The following AFG2A variants were observed in gnomAD, a reference collection of about 807,000 sequenced individuals.
AFG2A encodes ATPase family gene 2 protein homolog A.
chr4:123,154,752 TAAGAG>T, the AFG2A span, among the ~76,000 whole-genome samples: 3 of 152,104 alleles, frequency 2.0e-5, no homozygotes, highest in African/African-American at 7.2e-5. Flanking sequence ...AAAAATATAT[TAAGAG>T]AAAAGCATAG....
At chr4:123,147,236 T>C in the AFG2A span, among the ~76,000 whole-genome samples, 1 of 152,138 alleles carries the variant, frequency 6.6e-6, no homozygotes, top group Non-Finnish European at 1.5e-5. Context: ...AGGAAACCCA[T>C]TTCTAGATCT....
At chr4:123,112,477 A>C in the AFG2A span, among the ~76,000 whole-genome samples, 2 of 152,298 alleles carry the variant, frequency 1.3e-5, no homozygotes, top group East Asian at 3.9e-4. Context: ...TTCTTGATTT[A>C]AGGATGTGAT....
the AFG2A span, among the ~76,000 whole-genome samples, chr4:123,083,976 A>C: frequency 2.0e-4 from 31 of 152,220 alleles, no homozygotes; most frequent in East Asian, 5.4e-3. Flanking sequence ...TTAATTATTT[A>C]TTTAATTTCT....
At chr4:123,160,590 A>C in the AFG2A span, among the ~76,000 whole-genome samples, 1 of 152,152 alleles carries the variant, frequency 6.6e-6, no homozygotes, top group Non-Finnish European at 1.5e-5. Flanking sequence ...TGTGAACAAG[A>C]AAATGCCTTC....
the AFG2A span, among the ~76,000 whole-genome samples, chr4:123,267,963 G>C: frequency 6.6e-6 from 1 of 151,934 alleles, no homozygotes; most frequent in Non-Finnish European, 1.5e-5. Context: ...TATTTAAACT[G>C]ATCATGGCTT....
At chr4:123,016,483 G>C in the AFG2A span, among the ~76,000 whole-genome samples, 5 of 151,616 alleles carry the variant, frequency 3.3e-5, no homozygotes, top group African/African-American at 1.2e-4. Flanking sequence ...CATCCCAGAC[G>C]GGGTGGCGGG....
the AFG2A span, among the ~76,000 whole-genome samples, chr4:123,084,814 G>A: frequency 7.2e-5 from 11 of 151,874 alleles, no homozygotes; most frequent in Non-Finnish European, 5.9e-5. Flanking sequence ...TATTTTTTAT[G>A]GAGATGGGGT....
At chr4:123,190,556 G>A in the AFG2A span, among the ~76,000 whole-genome samples, 5 of 152,064 alleles carry the variant, frequency 3.3e-5, no homozygotes, top group African/African-American at 1.2e-4. Flanking sequence ...AGGCCTGAAG[G>A]GTACCTCTAT....
At chr4:123,218,963 C>T in the AFG2A span, among the ~76,000 whole-genome samples, 2 of 152,132 alleles carry the variant, frequency 1.3e-5, no homozygotes, top group Admixed American at 6.5e-5. Flanking sequence ...AGAGACAGAT[C>T]CAATAGGAGC....
chr4:122,999,788 C>T, the AFG2A span, among the ~76,000 whole-genome samples: 7 of 152,014 alleles, frequency 4.6e-5, no homozygotes, highest in Admixed American at 2.0e-4. Flanking sequence ...CTTGGCGATG[C>T]GGGCTCTTTT....
chr4:123,118,575 T>C, the AFG2A span, among the ~76,000 whole-genome samples: 2 of 151,658 alleles, frequency 1.3e-5, no homozygotes, highest in African/African-American at 4.8e-5. Flanking sequence ...TCTTAGGCTA[T>C]TGTCAGTCTT....
chr4:123,178,150 C>T, the AFG2A span, among the ~76,000 whole-genome samples: 1 of 152,080 alleles, frequency 6.6e-6, no homozygotes, highest in Admixed American at 6.5e-5. Context: ...GGTACAAATG[C>T]ACTTGTTACA....
At chr4:122,923,235 G>A in the AFG2A span, 1 of 1,614,206 alleles carries the variant, frequency 6.2e-7, no homozygotes, top group Non-Finnish European at 8.5e-7. Context: ...CGGAGGCACG[G>A]GCTCCTTCTG....
chr4:123,270,220 G>C, the AFG2A span, among the ~76,000 whole-genome samples: 1 of 152,166 alleles, frequency 6.6e-6, no homozygotes, highest in African/African-American at 2.4e-5. Flanking sequence ...ACAGGAATTT[G>C]ACTTTTTATG....
chr4:123,197,974 A>G, the AFG2A span, among the ~76,000 whole-genome samples: 1 of 151,986 alleles, frequency 6.6e-6, no homozygotes, highest in Non-Finnish European at 1.5e-5. Flanking sequence ...GTGCATTAAG[A>G]GCATAAGAGA....
chr4:122,970,869 TG>T, the AFG2A span, among the ~76,000 whole-genome samples: 1 of 152,100 alleles, frequency 6.6e-6, no homozygotes, highest in Non-Finnish European at 1.5e-5. Context: ...AGTCTTGCTT[TG>T]TCACCCAGGC....
At chr4:123,143,281 C>T in the AFG2A span, among the ~76,000 whole-genome samples, 1 of 151,578 alleles carries the variant, frequency 6.6e-6, no homozygotes, top group African/African-American at 2.4e-5. Context: ...CCTTTCAATT[C>T]TAATGTTAAA....
chr4:123,110,892 A>C, the AFG2A span, among the ~76,000 whole-genome samples: 3 of 152,218 alleles, frequency 2.0e-5, no homozygotes, highest in African/African-American at 7.2e-5. Context: ...CTTATTCTTT[A>C]TCCCGTAGCA....
the AFG2A span, among the ~76,000 whole-genome samples, chr4:123,103,302 C>T: frequency 6.6e-6 from 1 of 151,922 alleles, no homozygotes; most frequent in South Asian, 2.1e-4. Context: ...GACTGGGGAG[C>T]GGAGAGCACT....
Sources: gnomAD v4.1 joint callset for allele counts (sites outside exome capture counted in the v4.1 genomes callset) on GRCh38, gnomAD v4.1.1 for gene constraint, MANE v1.5 for transcripts, NCBI Gene and HGNC (gene_info 2026-07-23, HGNC 2026-07-21) for gene names.